Variants in NXN observed in about 807,000 individuals in gnomAD.
NXN encodes the protein nucleoredoxin.
Under a neutral mutation model 48.6 loss-of-function variants are expected in NXN, and 16 were observed. The ratio of observed to expected loss-of-function variants is 0.33; its 90% CI spans 0.22 to 0.50. NXN has a LOEUF of 0.50. NXN is among the 20% of genes least tolerant of loss of function. The probability of loss-of-function intolerance (pLI) is 0.98; values close to 1 mark genes in which losing one functional copy is unlikely to be tolerated. For synonymous variants in NXN, 281 were observed against 269.6 expected, an observed-to-expected ratio of 1.04 and a Z score of -0.41; for missense variants, 492 against 605.5, an observed-to-expected ratio of 0.81 and a Z score of 1.97.
At chr17:913,046 C>T (rs778425427) in intron 1 of NXN, among the ~76,000 whole-genome samples, 33 of 152,222 alleles carry the variant, frequency 2.2e-4, no homozygotes, top group Middle Eastern at 3.4e-3. Context: ...TCTTTTCTCA[C>T]CCTAGGGTTT....
chr17:922,690 T>C (rs1446989562), intron 1 of NXN, among the ~76,000 whole-genome samples: 1 of 151,606 alleles, frequency 6.6e-6, no homozygotes, highest in East Asian at 2.0e-4. Context: ...CTTGCTCAGT[T>C]GCCCAGGCTG....
chr17:869,749 C>T (rs2068131729), intron 1 of NXN, among the ~76,000 whole-genome samples: 1 of 152,222 alleles, frequency 6.6e-6, no homozygotes, highest in African/African-American at 2.4e-5. Flanking sequence ...AATCTTGACG[C>T]TCTTTTTCAC....
intron 1 of NXN, among the ~76,000 whole-genome samples, chr17:867,794 C>T (rs148204029): frequency 0.03 from 4,487 of 151,460 alleles, 212 homozygotes; most frequent in East Asian, 0.24. Flanking sequence ...GGTGTGGTGG[C>T]GGGAGGCTGT....
chr17:950,361 T>G (rs565670023), intron 1 of NXN, among the ~76,000 whole-genome samples: 5 of 152,256 alleles, frequency 3.3e-5, no homozygotes, highest in African/African-American at 1.2e-4. Flanking sequence ...ATTTCAAGCT[T>G]AAAATAAATC....
intron 1 of NXN, among the ~76,000 whole-genome samples, chr17:970,256 G>A (rs754087007): frequency 6.6e-6 from 1 of 152,124 alleles, no homozygotes; most frequent in Non-Finnish European, 1.5e-5. Flanking sequence ...ACTGGAAGTT[G>A]GAACGGCAGT....
chr17:977,799 C>G (rs952630083), intron 1 of NXN, among the ~76,000 whole-genome samples: 1 of 152,178 alleles, frequency 6.6e-6, no homozygotes, highest in Admixed American at 6.5e-5. Context: ...CCAAGGAAAA[C>G]AAAGGATTCT....
At chr17:848,630 T>C (rs2067891169) in intron 1 of NXN, among the ~76,000 whole-genome samples, 1 of 152,228 alleles carries the variant, frequency 6.6e-6, no homozygotes, top group Admixed American at 6.5e-5. Flanking sequence ...TCAGTATTCG[T>C]GCATGTCACT....
At chr17:892,120 G>A (rs895972385) in intron 1 of NXN, among the ~76,000 whole-genome samples, 7 of 148,274 alleles carry the variant, frequency 4.7e-5, no homozygotes, top group African/African-American at 7.5e-5. Context: ...CAACCCAACA[G>A]GGAACCTAAG....
At chr17:972,260 T>C (rs2069392727) in intron 1 of NXN, among the ~76,000 whole-genome samples, 1 of 148,300 alleles carries the variant, frequency 6.7e-6, no homozygotes, top group Non-Finnish European at 1.5e-5. Flanking sequence ...TGAGATGGTG[T>C]CATTGCACTC....
intron 1 of NXN, among the ~76,000 whole-genome samples, chr17:895,014 T>C (rs1350897631): frequency 2.8e-5 from 3 of 107,322 alleles, no homozygotes; most frequent in Non-Finnish European, 5.7e-5. Context: ...TTTTTTTTTT[T>C]TTTTTTTTTT....
At chr17:897,428 T>C (rs1206424306) in intron 1 of NXN, among the ~76,000 whole-genome samples, 2 of 152,200 alleles carry the variant, frequency 1.3e-5, no homozygotes, top group African/African-American at 4.8e-5. Flanking sequence ...AAGCACGTTC[T>C]AGGGTGGGGT....
At chr17:933,946 T>C (rs1339697948) in intron 1 of NXN, among the ~76,000 whole-genome samples, 1 of 152,216 alleles carries the variant, frequency 6.6e-6, no homozygotes, top group South Asian at 2.1e-4. Flanking sequence ...CTTTTATTAA[T>C]TGAAAAATAA....
chr17:857,464 T>C (rs768423771), intron 1 of NXN, among the ~76,000 whole-genome samples: 1 of 152,164 alleles, frequency 6.6e-6, no homozygotes, highest in Non-Finnish European at 1.5e-5. Context: ...TTTTGCCATG[T>C]TGGCCAGGCT....
rs917035148 is a variant in NXN, at chr17:826,005, A to G, written c.434T>C (p.Val145Ala). Residue 145 changes from valine to alanine, a missense_variant, in exon 2 of 8, where the codon GTT (valine) becomes GCT (alanine). By Grantham distance (64) the Val-to-Ala change is moderately conservative. This residue lies in a region of NXN where 3 missense variants were observed against 18.2 expected (regional missense o/e 0.17). Transcript: ENST00000336868. Reference protein sequence around the residue: ...LIFLDATTGKVVCRNGLLVIR... With the variant: ...LIFLDATTGKAVCRNGLLVIR... ...CACCAGCAGCCCGTTCCTGCACACA[A>G]CCTTCCCAGTGGTGGCGTCGAGGAA... 1.2e-6 allele frequency: 2 copies of G among 1,613,854 alleles called. No homozygotes were observed. The highest frequency in any genetic ancestry group is 2.7e-5 in the African/African-American group (2 of 74,868).
intron 5 of NXN, among the ~76,000 whole-genome samples, chr17:808,270 C>T (rs578109669): frequency 6.6e-6 from 1 of 152,012 alleles, no homozygotes; most frequent in Non-Finnish European, 1.5e-5. Flanking sequence ...ACGCCCTGTT[C>T]CCCCAGCCCT....
intron 1 of NXN, among the ~76,000 whole-genome samples, chr17:827,178 T>G (rs141191275): frequency 5.3e-4 from 80 of 152,240 alleles, no homozygotes; most frequent in African/African-American, 1.9e-3. Flanking sequence ...ACCCCGTCTC[T>G]ACTTAAAATA....
chr17:833,473 A>G (rs903246952), intron 1 of NXN, among the ~76,000 whole-genome samples: 2 of 152,072 alleles, frequency 1.3e-5, no homozygotes, highest in African/African-American at 4.8e-5. Flanking sequence ...GATCAGCAAG[A>G]TTCACCTCTG....
intron 1 of NXN, among the ~76,000 whole-genome samples, chr17:831,359 A>C (rs2088276): frequency 2.6e-5 from 4 of 151,684 alleles, no homozygotes; most frequent in African/African-American, 9.7e-5. Flanking sequence ...ATATGCAAAA[A>C]CTATGCCATT....
rs111253285 is a variant in NXN, at chr17:886,005, T to A, written c.361-59927A>T. 3.8e-3 allele frequency among the ~76,000 whole-genome samples: 580 copies of A among 152,160 alleles called. 7 individuals are homozygous for A. Among genetic ancestry groups the A allele is most frequent in the African/African-American group, 0.014 (562 of 41,504 alleles). On this transcript the variant is annotated intron_variant, in intron 1 of 7. Transcript: ENST00000336868. ...GCCCAGCTGTGGTACTCACTTTTAA[T>A]GCTCCTTAGAAAATTCTAACCAAAG...
Sources: gnomAD v4.1 joint callset for allele counts (sites outside exome capture counted in the v4.1 genomes callset) on GRCh38, gnomAD v4.1.1 for gene constraint, gnomAD v4.1.1 regional missense constraint, MANE v1.5 for transcripts, NCBI Gene and HGNC (gene_info 2026-07-23, HGNC 2026-07-21) for gene names.